The following CDH13 variants were observed in gnomAD, a reference collection of about 807,000 sequenced individuals.
CDH13 encodes the protein cadherin-13.
In CDH13, 24 loss-of-function variants were observed where a neutral mutation model predicts 63.8. That is an observed-to-expected ratio of 0.38 (90% confidence interval 0.27 to 0.53). The LOEUF is 0.53. CDH13 is among the 20% of genes least tolerant of loss of function. The pLI, the probability that CDH13 is intolerant of heterozygous loss-of-function variation, is 0.85. For synonymous variants in CDH13, 503 were observed against 355.3 expected (o/e 1.42, Z -4.67); for missense variants, 1,049 against 903.1 (o/e 1.16, Z -2.07).
intron 11 of CDH13, among the ~76,000 whole-genome samples, chr16:83,748,977 G>C (rs1297160876): frequency 1.3e-5 from 2 of 152,178 alleles, no homozygotes; most frequent in African/African-American, 2.4e-5. Context: ...CTGGACCAGA[G>C]ACTAGGAGGG....
chr16:83,049,015 C>T (rs936251091), intron 3 of CDH13, among the ~76,000 whole-genome samples: 3 of 152,182 alleles, frequency 2.0e-5, no homozygotes, highest in Admixed American at 2.0e-4. Flanking sequence ...GGAAACTGAA[C>T]AGCTGATTTC....
intron 10 of CDH13, among the ~76,000 whole-genome samples, chr16:83,702,760 G>A (rs1420618962): frequency 6.6e-6 from 1 of 152,184 alleles, no homozygotes; most frequent in Non-Finnish European, 1.5e-5. Context: ...AGGTGGCACT[G>A]TGGGGAGGGG....
chr16:83,377,219 A>G (rs984347646), intron 6 of CDH13, among the ~76,000 whole-genome samples: 2 of 152,158 alleles, frequency 1.3e-5, no homozygotes, highest in African/African-American at 4.8e-5. Context: ...CAGAATAAGA[A>G]CTGAATTAAA....
chr16:83,660,406 G>GT (rs1913330143), intron 8 of CDH13, among the ~76,000 whole-genome samples: 2 of 152,256 alleles, frequency 1.3e-5, no homozygotes, highest in Non-Finnish European at 2.9e-5. Context: ...GTTCACTATA[G>GT]GGTTTGTGCT....
chr16:82,972,249 A>G (rs1262285376), intron 2 of CDH13, among the ~76,000 whole-genome samples: 1 of 152,144 alleles, frequency 6.6e-6, no homozygotes, highest in Non-Finnish European at 1.5e-5. Context: ...AATCTACTAT[A>G]GAGAAACGGC....
intron 2 of CDH13, among the ~76,000 whole-genome samples, chr16:82,881,398 G>C (rs1003237324): frequency 7.2e-5 from 11 of 152,266 alleles, no homozygotes; most frequent in African/African-American, 2.2e-4. Flanking sequence ...CAAAGGCTCA[G>C]TCAATATCAC....
chr16:83,268,455 C>A (rs1446383744), intron 5 of CDH13, among the ~76,000 whole-genome samples: 1 of 152,178 alleles, frequency 6.6e-6, no homozygotes, highest in Admixed American at 6.5e-5. Flanking sequence ...TCCAAACCAG[C>A]AGTCAGCATA....
At chr16:83,239,821 C>A (rs1018587460) in intron 5 of CDH13, among the ~76,000 whole-genome samples, 1 of 152,120 alleles carries the variant, frequency 6.6e-6, no homozygotes, top group Non-Finnish European at 1.5e-5. Flanking sequence ...ATGAGAAATG[C>A]CCCTGAGTAA....
chr16:82,927,822 T>A (rs1417010230), intron 2 of CDH13, among the ~76,000 whole-genome samples: 2 of 152,182 alleles, frequency 1.3e-5, no homozygotes, highest in Admixed American at 1.3e-4. Context: ...ATGTACTTAT[T>A]GAGTGAATGA....
intron 2 of CDH13, among the ~76,000 whole-genome samples, chr16:82,952,320 C>G (rs1022569387): frequency 6.6e-6 from 1 of 152,154 alleles, no homozygotes. Flanking sequence ...AATCATTGCA[C>G]CTCTGATAAA....
intron 6 of CDH13, chr16:83,383,295 G>C (rs1420240442): frequency 6.6e-6 from 1 of 152,192 alleles, no homozygotes; most frequent in Non-Finnish European, 1.5e-5. Flanking sequence ...AGGAATGTTA[G>C]CCTCTTTCAC....
chr16:83,241,960 T>C (rs530094429), intron 5 of CDH13, among the ~76,000 whole-genome samples: 2 of 152,298 alleles, frequency 1.3e-5, no homozygotes, highest in South Asian at 4.1e-4. Flanking sequence ...AGCAGTTGTA[T>C]AGTTTTAGGT....
intron 1 of CDH13, among the ~76,000 whole-genome samples, chr16:82,703,676 T>C (rs1422134921): frequency 6.6e-6 from 1 of 152,166 alleles, no homozygotes; most frequent in Non-Finnish European, 1.5e-5. Context: ...GGGAGAATGG[T>C]AGAAACAGGT....
At chr16:83,369,205 A>G (rs1020580962) in intron 6 of CDH13, among the ~76,000 whole-genome samples, 1 of 151,880 alleles carries the variant, frequency 6.6e-6, no homozygotes, top group African/African-American at 2.4e-5. Context: ...TCAAAAAATG[A>G]AAAAATAATA....
At chr16:82,752,620 A>T (rs2034463199) in intron 1 of CDH13, among the ~76,000 whole-genome samples, 1 of 152,244 alleles carries the variant, frequency 6.6e-6, no homozygotes, top group Non-Finnish European at 1.5e-5. Context: ...ACACCTACTC[A>T]AACAAGCTTA....
chr16:83,700,861 A>G (rs909813681), intron 10 of CDH13, among the ~76,000 whole-genome samples: 1 of 152,158 alleles, frequency 6.6e-6, no homozygotes, highest in South Asian at 2.1e-4. Flanking sequence ...GGGAACTACT[A>G]TCAGCTTCCT....
In CDH13 at chr16:83,006,591, A is replaced by G. The variant is rs140830645; in HGVS notation, c.158-25419A>G. Among the ~76,000 whole-genome samples the G allele has an allele frequency of 3.0e-3, 460 of 152,242 alleles. 2 individuals are homozygous for G. The highest frequency in any genetic ancestry group is 0.013 in the South Asian group (61 of 4,802). On this transcript the variant is annotated intron_variant, in intron 2 of 13. Coordinates refer to ENST00000567109, the MANE Select transcript of CDH13 (RefSeq NM_001257.5). The stretch of plus-strand genomic sequence containing the variant: ...CTCCTTGTCCACAGCCCATATCCCA[A>G]TGAGGGTTATTCACTTTTGTAACCA...
intron 8 of CDH13, among the ~76,000 whole-genome samples, chr16:83,624,335 A>G (rs1164523946): frequency 6.7e-6 from 1 of 148,240 alleles, no homozygotes; most frequent in East Asian, 2.0e-4. Flanking sequence ...ATGATGAGAT[A>G]ACGCCCCCAC....
chr16:83,792,328 G>A (rs181916444), intron 13 of CDH13, among the ~76,000 whole-genome samples: 94 of 152,284 alleles, frequency 6.2e-4, no homozygotes, highest in African/African-American at 2.2e-3. Context: ...ATTTCCTCAA[G>A]TAACCATCTC....
Sources: allele counts gnomAD v4.1 joint callset (sites outside exome capture counted in the v4.1 genomes callset), GRCh38; gene constraint gnomAD v4.1.1; transcripts MANE v1.5; gene names NCBI Gene and HGNC (gene_info 2026-07-23, HGNC 2026-07-21).